DAPK2: variants seen among roughly 807,000 people sequenced by gnomAD.
DAPK2 encodes the protein death associated protein kinase 2, also known as death-associated protein kinase 2.
Under a neutral mutation model 44.1 loss-of-function variants are expected in DAPK2, and 35 were observed. The ratio of observed to expected loss-of-function variants is 0.79; its 90% CI spans 0.61 to 1.05. The LOEUF (loss-of-function observed/expected upper bound fraction) is 1.05, where lower values mean the gene tolerates loss of function less well. DAPK2 is among the 50% of genes least tolerant of loss of function. DAPK2 has a pLI of 0.00. For missense variants in DAPK2, 453 were observed against 483.2 expected, an observed-to-expected ratio of 0.94 and a Z score of 0.59; for synonymous variants, 174 against 182.6, an observed-to-expected ratio of 0.95 and a Z score of 0.38.
rs1255118444 is a variant in DAPK2, at chr15:63,939,063, T to C, written c.583+169A>G. Among the ~76,000 whole-genome samples the C allele has an allele frequency of 1.3e-5, 2 of 151,988 alleles. No homozygotes were observed. The highest frequency in any genetic ancestry group is 2.9e-5 in the Non-Finnish European group (2 of 67,996). ...CTCAAAGCCTACACCTGGGCCCTCA[T>C]CCCCAGGCCCAATAAGACATTTCCT... On this transcript the variant is annotated intron_variant, in intron 4 of 10. Coordinates refer to ENST00000261891, the Ensembl canonical transcript of DAPK2. This position sits in a 1 kb window ranked among gnomAD's most constrained non-coding sequence, Gnocchi z 4.3.
rs1180979087 is a variant in DAPK2 at position 63,956,838 on chromosome 15, C to T, written c.453+14585G>A. On this transcript the variant is annotated intron_variant, in intron 3 of 10. Transcript: ENST00000261891. ...TCCTGACTTCGTGATCCACCTGCCT[C>T]GGCCTCCCAAAGTGCTGGGATTACA... Among the ~76,000 whole-genome samples the T allele has an allele frequency of 5.9e-5, 9 of 152,296 alleles. No homozygotes were observed. The East Asian group carries it at 7.7e-4, about 13-fold the overall frequency.
intron 2 of DAPK2, among the ~76,000 whole-genome samples, chr15:63,971,802 A>G (rs2078220754): frequency 6.6e-6 from 1 of 152,212 alleles, no homozygotes; most frequent in Non-Finnish European, 1.5e-5. Context: ...TTGTCAGAAG[A>G]GCCTCTGCTC....
At chr15:64,005,899 T>G (rs985021938) in intron 1 of DAPK2, among the ~76,000 whole-genome samples, 16 of 152,080 alleles carry the variant, frequency 1.1e-4, no homozygotes, top group African/African-American at 3.4e-4. Context: ...CTAGGCGTGT[T>G]GGCACACATT....
At chr15:63,974,883 T>G (rs1011280242) in intron 2 of DAPK2, among the ~76,000 whole-genome samples, 1 of 152,216 alleles carries the variant, frequency 6.6e-6, no homozygotes, top group African/African-American at 2.4e-5. Context: ...TTTATTATCT[T>G]ATTGCTGCAA....
chr15:63,944,976 C>CTCTTCATT (rs1157760172), intron 3 of DAPK2, among the ~76,000 whole-genome samples: 1 of 152,186 alleles, frequency 6.6e-6, no homozygotes, highest in African/African-American at 2.4e-5. Flanking sequence ...TGTCCTACTC[C>CTCTTCATT]TCTTCATTTT....
intron 2 of DAPK2, among the ~76,000 whole-genome samples, chr15:63,977,327 C>A (rs1434717872): frequency 6.6e-6 from 1 of 152,148 alleles, no homozygotes; most frequent in Non-Finnish European, 1.5e-5. Flanking sequence ...CTTGCCCCCA[C>A]CTTGGGCAGG....
At chr15:63,941,983 C>T (rs1457453840) in intron 3 of DAPK2, among the ~76,000 whole-genome samples, 1 of 152,244 alleles carries the variant, frequency 6.6e-6, no homozygotes, top group Non-Finnish European at 1.5e-5. Flanking sequence ...TCCTCTCCTC[C>T]AGGGAAAAGA....
intron 3 of DAPK2, among the ~76,000 whole-genome samples, chr15:63,959,068 A>T (rs1248354011): frequency 6.6e-6 from 1 of 152,166 alleles, no homozygotes; most frequent in Non-Finnish European, 1.5e-5. Context: ...GAGGTCCTTC[A>T]CATCCCTTGT....
chr15:63,958,475 T>C (rs1223029155), intron 3 of DAPK2, among the ~76,000 whole-genome samples: 1 of 152,246 alleles, frequency 6.6e-6, no homozygotes, highest in African/African-American at 2.4e-5. Context: ...TCTAGGGTTT[T>C]TATGGTTTTA....
chr15:64,035,134 C>CTCCA (rs981950675), intron 1 of DAPK2, among the ~76,000 whole-genome samples: 1 of 151,436 alleles, frequency 6.6e-6, no homozygotes, highest in Non-Finnish European at 1.5e-5. Context: ...TGCAACTGCA[C>CTCCA]TCCAGCCTGG....
chr15:63,942,630 G>A (rs970277038), intron 3 of DAPK2, among the ~76,000 whole-genome samples: 2 of 151,066 alleles, frequency 1.3e-5, no homozygotes, highest in African/African-American at 4.9e-5. Context: ...TGTTTCCCCC[G>A]CCCGAGTCTC....
In DAPK2 at chr15:63,990,254, C is replaced by G. The variant is rs1055269973; in HGVS notation, c.93-6500G>C. 5.1e-5 allele frequency among the ~76,000 whole-genome samples: 7 copies of G among 137,208 alleles called. No homozygotes were observed. The highest frequency in any genetic ancestry group is 1.8e-4 in the African/African-American group (7 of 38,068). The allele number at this position is 137,208 out of a possible 152,430, so 90.0% of individuals were successfully genotyped here. Reference sequence around the variant, plus strand: ...ACCAGCCTGGGCCAACAGGACAAAACCCCATCTCTCCTAAAAATACAAAAA... The same window carrying G: ...ACCAGCCTGGGCCAACAGGACAAAAGCCCATCTCTCCTAAAAATACAAAAA... On this transcript the variant is annotated intron_variant, in intron 1 of 10. Transcript: ENST00000261891. The surrounding 1 kb of genome is among the most constrained non-coding windows in gnomAD (Gnocchi z 4.3).
chr15:63,960,361 T>C (rs568466810), intron 3 of DAPK2, among the ~76,000 whole-genome samples: 1 of 152,342 alleles, frequency 6.6e-6, no homozygotes, highest in East Asian at 1.9e-4. Context: ...TCAGTTCTGC[T>C]CTGATCTTAG....
chr15:63,997,001 G>A (rs955105134), intron 1 of DAPK2, among the ~76,000 whole-genome samples: 5 of 152,184 alleles, frequency 3.3e-5, no homozygotes, highest in African/African-American at 1.2e-4. Flanking sequence ...GGGGACAGAA[G>A]GAACAGGTCC....
rs1361111885 is a variant in DAPK2 at position 63,908,719 on chromosome 15, T to C, written c.1033-119A>G. The C allele has an allele frequency of 1.3e-5, 10 of 799,080 alleles. No individual in the cohort carries two copies. Among genetic ancestry groups the C allele is most frequent in the East Asian group, 3.1e-5 (1 of 31,746 alleles). 49.5% of individuals were successfully genotyped at this position (799,080 alleles called of 1,614,324 possible). ...ACCACGGGACTACAAGCCAGGGAGG[T>C]GGGTGGTGAAAGCAAGCCTGCTGAT... On this transcript the variant is annotated intron_variant, in intron 10 of 10. Coordinates refer to ENST00000261891, the Ensembl canonical transcript of DAPK2. The surrounding 1 kb of genome is among the most constrained non-coding windows in gnomAD (Gnocchi z 5.7).
intron 3 of DAPK2, among the ~76,000 whole-genome samples, chr15:63,968,512 A>G (rs2078118083): frequency 6.6e-6 from 1 of 152,168 alleles, no homozygotes; most frequent in Admixed American, 6.5e-5. Context: ...ACAGAACTGT[A>G]CTCACAGGGT....
At chr15:63,982,586 T>C (rs1457887722) in intron 2 of DAPK2, among the ~76,000 whole-genome samples, 1 of 152,214 alleles carries the variant, frequency 6.6e-6, no homozygotes, top group Non-Finnish European at 1.5e-5. Context: ...GAGCCCCACC[T>C]GCCCAGGACG....
intron 1 of DAPK2, among the ~76,000 whole-genome samples, chr15:64,010,601 C>T (rs2079364948): frequency 6.6e-6 from 1 of 152,184 alleles, no homozygotes; most frequent in Non-Finnish European, 1.5e-5. Flanking sequence ...AGTCCCCACC[C>T]GCCTGCCTTA....
chr15:63,983,854 G>T, intron 1 of DAPK2, 100 bp from the exon 3 acceptor site: 1 of 1,186,466 alleles, frequency 8.4e-7, no homozygotes, highest in Non-Finnish European at 1.2e-6. Context: ...GAGTGATTCT[G>T]CCAGGACAGG....
Sources: allele counts gnomAD v4.1 joint callset (sites outside exome capture counted in the v4.1 genomes callset), GRCh38; gene constraint gnomAD v4.1.1; non-coding constraint Gnocchi (gnomAD v3.1); transcripts MANE v1.5; gene names NCBI Gene and HGNC (gene_info 2026-07-23, HGNC 2026-07-21).